ANKRD42: variants seen among roughly 807,000 people sequenced by gnomAD.
ANKRD42 encodes the protein ankyrin repeat domain-containing protein 42.
ANKRD42 carries 43 observed loss-of-function variants against 51.5 expected under a neutral mutation model. The observed-to-expected ratio is 0.83, with a 90% CI of 0.65 to 1.08. The LOEUF (loss-of-function observed/expected upper bound fraction) is 1.08, where lower values mean the gene tolerates loss of function less well. Among genes scored for constraint, ANKRD42 ranks in the 50% least tolerant of loss-of-function variants. The pLI is 0.00. For synonymous variants in ANKRD42, 203 were observed against 213.0 expected, an observed-to-expected ratio of 0.95 and a Z score of 0.41; for missense variants, 608 against 629.3, an observed-to-expected ratio of 0.97 and a Z score of 0.36.
At chr11:83,199,826 A>T (rs1051445385) in intron 2 of ANKRD42, among the ~76,000 whole-genome samples, 5 of 152,186 alleles carry the variant, frequency 3.3e-5, no homozygotes, top group Non-Finnish European at 7.4e-5. Flanking sequence ...TCTTGTAACC[A>T]AATCTGGTTC....
rs1331419834 is a variant in ANKRD42 at position 83,227,838 on chromosome 11, G to A, written c.879G>A (p.Glu293=). The A allele has an allele frequency of 1.2e-6, 2 of 1,612,490 alleles. No homozygotes were observed. Among genetic ancestry groups the A allele is most frequent in the Admixed American group, 1.7e-5 (1 of 59,644 alleles). The change falls in exon 7 of 11, where the codon GAG becomes GAA. Residue 293 remains glutamate (E), a synonymous_variant. Transcript: ENST00000533342. ...LVEDGVININ[E]RADNGSTPMH... ...AAGATGGAGTAATCAATATTAATGA[G>A]CGTGCTGATAATGGATCAACTCCTA...
intron 7 of ANKRD42, among the ~76,000 whole-genome samples, chr11:83,231,590 C>T (rs763733355): frequency 3.3e-5 from 5 of 152,112 alleles, no homozygotes; most frequent in Non-Finnish European, 1.5e-5. Flanking sequence ...GCTTTGGTTG[C>T]CTGTGCTTGT....
intron 2 of ANKRD42, among the ~76,000 whole-genome samples, chr11:83,202,748 A>G (rs967823121): frequency 4.6e-5 from 7 of 152,158 alleles, no homozygotes; most frequent in African/African-American, 1.7e-4. Context: ...ATAAATTTTA[A>G]AAAGTGTATA....
intron 7 of ANKRD42, among the ~76,000 whole-genome samples, chr11:83,234,655 G>A (rs642373): frequency 0.45 from 68,101 of 151,946 alleles, 15,834 homozygotes; most frequent in African/African-American, 0.58. Flanking sequence ...ATTCTGTCTC[G>A]TAAAATTCAG....
At chr11:83,204,639 A>G (rs768054257) in intron 2 of ANKRD42, among the ~76,000 whole-genome samples, 1 of 149,662 alleles carries the variant, frequency 6.7e-6, no homozygotes, top group Admixed American at 6.7e-5. Context: ...ATCTAAAATT[A>G]AAAAAAAAAG....
chr11:83,195,670 ATTAC>A (rs1428704855), intron 1 of ANKRD42, among the ~76,000 whole-genome samples: 3 of 152,080 alleles, frequency 2.0e-5, no homozygotes, highest in Admixed American at 6.6e-5. Flanking sequence ...GAGTTATCTT[ATTAC>A]TTTTCCCTTG....
At chr11:83,213,180 TTG>T in intron 5 of ANKRD42, 3 of 1,601,214 alleles carry the variant, frequency 1.9e-6, no homozygotes, top group Non-Finnish European at 2.5e-6. Context: ...CCAACATTGG[TTG>T]TGGGAGCGAC....
downstream of ANKRD42, among the ~76,000 whole-genome samples, chr11:83,263,797 A>G (rs901425969): frequency 3.3e-5 from 5 of 152,198 alleles, no homozygotes; most frequent in Non-Finnish European, 5.9e-5. Context: ...ATTGAGGCAC[A>G]CAGTCACAGA....
chr11:83,255,884 C>T lies in ANKRD42; in HGVS notation c.1504C>T (p.Arg502Ter), dbSNP rs533015567. 3.9e-6 allele frequency: 6 copies of T among 1,530,218 alleles called. No homozygotes were observed. Among genetic ancestry groups the T allele is most frequent in the African/African-American group, 2.8e-5 (2 of 72,312 alleles). 94.8% of individuals were successfully genotyped at this position (1,530,218 alleles called of 1,614,324 possible). A position where few individuals can be genotyped will look rare whatever the true frequency, so the allele number is the denominator to read the frequency against. The change falls in exon 12 of 12, where the codon CGA becomes TGA. Residue 502 changes from arginine to a stop codon, truncating the protein, a stop_gained. Coordinates refer to the ANKRD42 transcript ENST00000260047. LOFTEE classifies it high-confidence loss of function. ...TTGTGAGTCAAACAAAGAGAAGAGG[C>T]GAGTAAAAAAAAAGGTTTCTTCTGG...
At chr11:83,237,930 C>T (rs924928994) in intron 8 of ANKRD42, among the ~76,000 whole-genome samples, 3 of 152,162 alleles carry the variant, frequency 2.0e-5, no homozygotes, top group African/African-American at 7.2e-5. Context: ...TGCTTCCTGT[C>T]ACTGTAGATT....
chr11:83,210,461 A>G, intron 4 of ANKRD42, 42 bp downstream of exon 4: 1 of 1,604,838 alleles, frequency 6.2e-7, no homozygotes, highest in East Asian at 2.2e-5. Context: ...GTGATAATAT[A>G]GATGGAATAG....
chr11:83,199,728 G>A (rs1861796309), intron 2 of ANKRD42, among the ~76,000 whole-genome samples: 1 of 152,166 alleles, frequency 6.6e-6, no homozygotes, highest in African/African-American at 2.4e-5. Flanking sequence ...ACAATGCATT[G>A]TCTTTTTACC....
Position 83,198,532 on chromosome 11 carries a change from G to T in ANKRD42, c.112G>T (p.Asp38Tyr). 6.2e-7 allele frequency: 1 copy of T among 1,613,992 alleles called. No individual in the cohort carries two copies. The highest frequency in any genetic ancestry group is 8.5e-7 in the Non-Finnish European group (1 of 1,179,908). ...CATACATGATGCAGTACGAGCTGGAGATGTAAAGCAGCTTTCAGAAATAGT... is the reference window on the plus strand; with the variant it reads ...CATACATGATGCAGTACGAGCTGGATATGTAAAGCAGCTTTCAGAAATAGT... ...GSIHDAVRAG[D>Y]VKQLSEIVVR... Residue 38 changes from aspartate (D) to tyrosine (Y), a missense_variant, in exon 2 of 11, where the codon GAT becomes TAT. By Grantham distance (160) the Asp-to-Tyr change is radical (BLOSUM62 -3). Transcript: ENST00000533342.
intron 8 of ANKRD42, among the ~76,000 whole-genome samples, chr11:83,238,700 C>T (rs1278099304): frequency 6.6e-6 from 1 of 151,980 alleles, no homozygotes; most frequent in Non-Finnish European, 1.5e-5. Flanking sequence ...CATGGTGGTG[C>T]TTGCCTGTAA....
At chr11:83,194,883 G>C (rs1861576164) in intron 1 of ANKRD42, among the ~76,000 whole-genome samples, 155 bp downstream of exon 1, 1 of 152,086 alleles carries the variant, frequency 6.6e-6, no homozygotes, top group South Asian at 2.1e-4. Flanking sequence ...AAGCTGTTCA[G>C]CTCTCCCCTG....
At chr11:83,198,359 T>A in intron 1 of ANKRD42, 120 bp from the exon 2 acceptor site, 1 of 979,138 alleles carries the variant, frequency 1.0e-6, no homozygotes, top group Non-Finnish European at 1.5e-6. Context: ...ACAAACATCT[T>A]TGTAGTAAAT....
chr11:83,196,637 C>T (rs1861668578), intron 1 of ANKRD42, among the ~76,000 whole-genome samples: 1 of 152,210 alleles, frequency 6.6e-6, no homozygotes, highest in Non-Finnish European at 1.5e-5. Context: ...TCCATCGTTG[C>T]TTTTACCACA....
At chr11:83,264,056 G>A (rs1864093650), downstream of ANKRD42, among the ~76,000 whole-genome samples, 3 of 152,132 alleles carry the variant, frequency 2.0e-5, no homozygotes, top group Non-Finnish European at 4.4e-5. Flanking sequence ...TACATAGCAA[G>A]TTGTTATATA....
At chr11:83,242,553 T>G (rs1863418039) in intron 9 of ANKRD42, among the ~76,000 whole-genome samples, 1 of 137,818 alleles carries the variant, frequency 7.3e-6, no homozygotes, top group South Asian at 2.3e-4. Flanking sequence ...GGGAATTCGG[T>G]GAATGGTAGT....
Sources: allele counts gnomAD v4.1 joint callset (sites outside exome capture counted in the v4.1 genomes callset), GRCh38; gene constraint gnomAD v4.1.1; transcripts MANE v1.5; gene names NCBI Gene and HGNC (gene_info 2026-07-23, HGNC 2026-07-21).